LRP1B: variants seen among roughly 807,000 people sequenced by gnomAD.
The protein encoded by LRP1B is low-density lipoprotein receptor-related protein 1B.
Under a neutral mutation model 556.6 loss-of-function variants are expected in LRP1B, and 217 were observed. The ratio of observed to expected loss-of-function variants is 0.39; its 90% confidence interval spans 0.35 to 0.44. The LOEUF (loss-of-function observed/expected upper bound fraction) is 0.44. Among genes scored for constraint, LRP1B ranks in the 20% least tolerant of loss-of-function variants. The pLI, the probability that LRP1B is intolerant of heterozygous loss-of-function variation, is 1.00. For missense variants in LRP1B, 5,053 were observed against 5,620.8 expected, an observed-to-expected ratio of 0.90 and a Z score of 3.23; for synonymous variants, 2,047 against 1,865.8, an observed-to-expected ratio of 1.10 and a Z score of -2.50.
chr2:140,922,316 GCA>G (rs1694761491), intron 21 of LRP1B, among the ~76,000 whole-genome samples: 1 of 150,146 alleles, frequency 6.7e-6, no homozygotes, highest in Admixed American at 6.7e-5. Flanking sequence ...GCACACACAC[GCA>G]CACACACGAA....
At chr2:140,870,420 G>A (rs1342067930) in intron 25 of LRP1B, among the ~76,000 whole-genome samples, 2 of 152,092 alleles carry the variant, frequency 1.3e-5, no homozygotes, top group Admixed American at 6.6e-5. Context: ...TCTCCCATAT[G>A]AAGAGGGTAT....
At chr2:141,244,827 A>G (rs1684009135) in intron 5 of LRP1B, among the ~76,000 whole-genome samples, 1 of 152,102 alleles carries the variant, frequency 6.6e-6, no homozygotes, top group Non-Finnish European at 1.5e-5. Flanking sequence ...TCCTTAAACT[A>G]TAAACCACAA....
At position 140,840,055 on chromosome 2, in the gene LRP1B, A is replaced by G. The variant is rs1692050870; in HGVS notation, c.5145T>C (p.Ile1715=). 2 of 1,611,574 alleles carry G rather than the reference A, an allele frequency of 1.2e-6. No individual in the cohort carries two copies. The highest frequency in any genetic ancestry group is 8.5e-7 in the Non-Finnish European group (1 of 1,179,082). The change falls in exon 31 of 91, where the codon ATT becomes ATC. Residue 1715 remains isoleucine (I), a synonymous_variant. Transcript: ENST00000389484. ...GKLYWTDGNT[I]NMANMDGSNS... is the part of the protein sequence containing the mutation. Reference sequence around the variant, plus strand: ...TACTGCCATCCATATTTGCCATGTTAATTGTGTTTCCATCGGTCCAGTAGA... The same window carrying G: ...TACTGCCATCCATATTTGCCATGTTGATTGTGTTTCCATCGGTCCAGTAGA...
intron 15 of LRP1B, among the ~76,000 whole-genome samples, chr2:141,001,117 C>T (rs1037624986): frequency 6.6e-6 from 1 of 151,980 alleles, no homozygotes; most frequent in Non-Finnish European, 1.5e-5. Context: ...AAGTCCCCTC[C>T]CCCTGTAACT....
chr2:141,884,754 G>T (rs1699058098), intron 1 of LRP1B, among the ~76,000 whole-genome samples: 1 of 152,116 alleles, frequency 6.6e-6, no homozygotes, highest in Admixed American at 6.6e-5. Flanking sequence ...TCCTCAAATT[G>T]CCCTCACAGA....
At chr2:141,672,842 G>A (rs566660281) in intron 2 of LRP1B, among the ~76,000 whole-genome samples, 106 of 152,144 alleles carry the variant, frequency 7.0e-4, no homozygotes, top group Non-Finnish European at 1.1e-3. Context: ...CAATGCAACC[G>A]GAGACATGAC....
chr2:141,111,046 C>T (rs899671966), intron 7 of LRP1B, among the ~76,000 whole-genome samples: 2 of 152,144 alleles, frequency 1.3e-5, no homozygotes, highest in Admixed American at 1.3e-4. Context: ...AAGAGCCAGC[C>T]AGTCACCCCA....
At chr2:141,690,597 A>T (rs945042186) in intron 2 of LRP1B, among the ~76,000 whole-genome samples, 1 of 150,674 alleles carries the variant, frequency 6.6e-6, no homozygotes. Context: ...TAATAGTGGT[A>T]TACATTTGGT....
At chr2:140,652,829 A>C (rs1684738112) in intron 41 of LRP1B, among the ~76,000 whole-genome samples, 1 of 152,126 alleles carries the variant, frequency 6.6e-6, no homozygotes, top group South Asian at 2.1e-4. Context: ...GTTGTAGATT[A>C]CTTTGTGAGA....
chr2:140,485,444 T>A lies in LRP1B; in HGVS notation c.9324A>T (p.Lys3108Asn). 1 of 1,613,958 alleles carries A rather than the reference T, an allele frequency of 6.2e-7. No individual in the cohort carries two copies. Among genetic ancestry groups the A allele is most frequent in the Non-Finnish European group, 8.5e-7 (1 of 1,179,890 alleles). ...GKNLYWSDTE[K>N]RIIEVSKLNG... ...TGAGTTTGGATACTTCAATGATTCTTTTTTCTGTGTCAGACCAATAGAGGT... is the reference window on the plus strand; with the variant it reads ...TGAGTTTGGATACTTCAATGATTCTATTTTCTGTGTCAGACCAATAGAGGT... Residue 3108 changes from lysine to asparagine, a missense_variant, in exon 59 of 91, where the codon AAA (lysine) becomes AAT (asparagine). By Grantham distance (94) the Lys-to-Asn change is moderately conservative. This residue lies in a region of LRP1B where 3,619 missense variants were observed against 3,931.9 expected (regional missense o/e 0.92). Transcript: ENST00000389484.
At position 140,868,342 on chromosome 2, in the gene LRP1B, T is replaced by C. The variant is rs1440149412; in HGVS notation, c.4170-79A>G. The C allele has an allele frequency of 6.1e-6, 8 of 1,316,812 alleles. No individual in the cohort carries two copies. In the Admixed American group the frequency reaches 1.6e-4, roughly 27 times the overall value. 81.6% of individuals were successfully genotyped at this position (1,316,812 alleles called of 1,614,324 possible). ...ACAGATATTTATTGAGTGCCTACCA[T>C]ATGCTAGGCACTGGATAGGTGATAA... On this transcript the variant is annotated intron_variant, in intron 25 of 90. Coordinates refer to ENST00000389484, the MANE Select transcript of LRP1B (RefSeq NM_018557.3).
At chr2:141,471,424 A>G (rs1682469994) in intron 3 of LRP1B, among the ~76,000 whole-genome samples, 1 of 152,044 alleles carries the variant, frequency 6.6e-6, no homozygotes, top group Non-Finnish European at 1.5e-5. Flanking sequence ...ACTACACTCA[A>G]GTATGTATGC....
chr2:140,959,100 G>C (rs1435462100), intron 18 of LRP1B, among the ~76,000 whole-genome samples: 1 of 150,482 alleles, frequency 6.6e-6, no homozygotes, highest in Non-Finnish European at 1.5e-5. Context: ...GTCAAAGACA[G>C]TTTTGGTGGA....
At chr2:141,784,055 T>C (rs1695345614) in intron 2 of LRP1B, among the ~76,000 whole-genome samples, 1 of 151,982 alleles carries the variant, frequency 6.6e-6, no homozygotes, top group Non-Finnish European at 1.5e-5. Context: ...TAGTTTACTT[T>C]TTTAAGTGAT....
chr2:140,761,433 A>G (rs957740522), intron 35 of LRP1B, among the ~76,000 whole-genome samples: 2 of 152,152 alleles, frequency 1.3e-5, no homozygotes, highest in Non-Finnish European at 2.9e-5. Flanking sequence ...GGGAGGATGC[A>G]TCTAGTTAGT....
At chr2:140,845,640 G>C (rs1692253066) in intron 29 of LRP1B, among the ~76,000 whole-genome samples, 1 of 151,940 alleles carries the variant, frequency 6.6e-6, no homozygotes, top group African/African-American at 2.4e-5. Flanking sequence ...TATCTTAATG[G>C]AATAAATGAT....
chr2:141,981,118 C>G (rs1488409007), intron 1 of LRP1B, among the ~76,000 whole-genome samples: 1 of 152,080 alleles, frequency 6.6e-6, no homozygotes, highest in African/African-American at 2.4e-5. Context: ...TTAGTTTCCT[C>G]ATTTGTAAAA....
At chr2:140,373,381 T>C (rs1369398754) in intron 68 of LRP1B, among the ~76,000 whole-genome samples, 3 of 152,110 alleles carry the variant, frequency 2.0e-5, no homozygotes, top group Non-Finnish European at 2.9e-5. Context: ...ATGTCTGCTA[T>C]ATAAAAGTGG....
chr2:141,634,674 T>C (rs1282518611), intron 2 of LRP1B, among the ~76,000 whole-genome samples: 1 of 152,002 alleles, frequency 6.6e-6, no homozygotes, highest in Non-Finnish European at 1.5e-5. Context: ...AGTTATCATA[T>C]AACATATACA....
Sources: allele counts gnomAD v4.1 joint callset (sites outside exome capture counted in the v4.1 genomes callset), GRCh38; gene constraint gnomAD v4.1.1; regional missense constraint gnomAD v4.1.1; transcripts MANE v1.5; gene names NCBI Gene and HGNC (gene_info 2026-07-23, HGNC 2026-07-21).